Variants in ING4 observed in about 807,000 individuals in gnomAD.
The protein encoded by ING4 is inhibitor of growth family member 4, also known as inhibitor of growth protein 4.
ING4 carries 28 observed loss-of-function variants against 33.1 expected under a neutral mutation model. That is an observed-to-expected ratio of 0.85 (90% CI 0.63 to 1.16). The LOEUF is 1.16. Among genes scored for constraint, ING4 ranks in the 50% most tolerant of loss-of-function variants. The probability of loss-of-function intolerance (pLI) is 0.00; values close to 1 mark genes in which losing one functional copy is unlikely to be tolerated. For synonymous variants in ING4, 87 were observed against 104.4 expected (o/e 0.83, Z 1.02); for missense variants, 247 against 314.7 (o/e 0.78, Z 1.63).
chr12:6,652,834 C>T, intron 4 of ING4, 67 bp from the exon 5 acceptor site: 2 of 1,571,874 alleles, frequency 1.3e-6, no homozygotes, highest in Non-Finnish European at 1.7e-6. Context: ...CCTCTTCTCT[C>T]CCCCTTTCCA....
intron 3 of ING4, 54 bp from the exon 4 acceptor site, chr12:6,653,104 A>C (rs756480771): frequency 1.1e-4 from 175 of 1,602,490 alleles, no homozygotes; most frequent in Non-Finnish European, 1.4e-4. Context: ...CAATTAAAGA[A>C]AATAGGTTAA....
chr12:6,653,053 G>A lies in ING4; in HGVS notation c.277-3C>T, dbSNP rs1483777294. ...AGCCGCCGAATGTGTTTGTCCACCT[G>A]GGTGGAAAGGAAGGAGAAAGGAGAG... is the stretch of plus-strand genomic sequence containing the variant. On this transcript the variant is annotated splice_region_variant and splice_polypyrimidine_tract_variant and intron_variant, in intron 3 of 7. Coordinates refer to ENST00000341550, the MANE Select transcript of ING4 (RefSeq NM_016162.4). 1.9e-6 allele frequency: 3 copies of A among 1,612,456 alleles called. No individual in the cohort carries two copies. The highest frequency in any genetic ancestry group is 2.7e-5 in the African/African-American group (2 of 74,862).
intron 2 of ING4, 185 bp downstream of exon 2, chr12:6,656,542 T>C (rs1949359070): frequency 7.5e-6 from 4 of 533,176 alleles, no homozygotes; most frequent in Non-Finnish European, 1.3e-5. Flanking sequence ...ATACTCTATT[T>C]GTTATGAAAA....
intron 1 of ING4, among the ~76,000 whole-genome samples, chr12:6,661,031 C>T (rs528422950): frequency 2.0e-5 from 3 of 150,294 alleles, no homozygotes; most frequent in South Asian, 4.2e-4. Flanking sequence ...TGACCTAAGG[C>T]GATCCACCCA....
intron 6 of ING4, among the ~76,000 whole-genome samples, chr12:6,651,733 G>A (rs1019234180): frequency 1.3e-4 from 20 of 151,996 alleles, no homozygotes; most frequent in African/African-American, 4.8e-4. Flanking sequence ...GTGGAGACGG[G>A]GTTTCACCGT....
chr12:6,650,581 C>G lies in ING4; in HGVS notation c.*614G>C, dbSNP rs1199751602. On this transcript the variant is annotated 3_prime_UTR_variant, in exon 8 of 8. Coordinates refer to ENST00000341550, the MANE Select transcript of ING4 (RefSeq NM_016162.4). ...ACTAAAACAGTGTCTCTACAATAAA[C>G]ACAGCAGGCCAACATGTATAGCTTT... 1 of 153,878 alleles carries G rather than the reference C, an allele frequency of 6.5e-6. No individual in the cohort carries two copies. The highest frequency in any genetic ancestry group is 2.4e-5 in the African/African-American group (1 of 41,458). 9.5% of individuals were successfully genotyped at this position (153,878 alleles called of 1,614,324 possible).
chr12:6,651,581 GC>G (rs1328037380), intron 6 of ING4, among the ~76,000 whole-genome samples, 196 bp from the exon 7 acceptor site: 1 of 152,032 alleles, frequency 6.6e-6, no homozygotes, highest in Non-Finnish European at 1.5e-5. Flanking sequence ...TCACTCTGTT[GC>G]CCAGGCTGGA....
At chr12:6,654,521 T>G (rs2136269821) in intron 2 of ING4, among the ~76,000 whole-genome samples, 1 of 152,014 alleles carries the variant, frequency 6.6e-6, no homozygotes, top group East Asian at 1.9e-4. Context: ...AAATTATTTC[T>G]AGAGATGAGG....
chr12:6,660,815 C>CTTTCT (rs149019207), intron 1 of ING4, among the ~76,000 whole-genome samples: 4 of 152,026 alleles, frequency 2.6e-5, no homozygotes, highest in Non-Finnish European at 4.4e-5. Flanking sequence ...CGCTGAGTAA[C>CTTTCT]TTTCTTTTCT....
rs552234281 is a variant in ING4 at position 6,652,636 on chromosome 12, G to C, written c.497+26C>G. Reference sequence around the variant, plus strand: ...ACCGGGAGAGAAGAGGATGTCATCCGGCAAAGGGCTCCCTGAATCACTCAC... The same window carrying C: ...ACCGGGAGAGAAGAGGATGTCATCCCGCAAAGGGCTCCCTGAATCACTCAC... On this transcript the variant is annotated intron_variant, in intron 5 of 7. Coordinates refer to ENST00000341550, the MANE Select transcript of ING4 (RefSeq NM_016162.4). 2.2e-5 allele frequency: 36 copies of C among 1,600,178 alleles called. 1 individual carries two copies. In the South Asian group the frequency reaches 3.9e-4, roughly 17 times the overall value.
At position 6,653,084 on chromosome 12, in the gene ING4, A is replaced by G. The variant is rs529252360; in HGVS notation, c.277-34T>C. The stretch of plus-strand genomic sequence containing the variant: ...AAAGGAAGGAGAAAGGAGAGGTACA[A>G]AACTATCTCCAATTAAAGAAAATAG... On this transcript the variant is annotated intron_variant, in intron 3 of 7. Coordinates refer to ENST00000341550, the MANE Select transcript of ING4 (RefSeq NM_016162.4). 5.6e-6 allele frequency: 9 copies of G among 1,604,942 alleles called. No homozygotes were observed. The South Asian group carries it at 9.9e-5, about 18-fold the overall frequency.
intron 1 of ING4, among the ~76,000 whole-genome samples, chr12:6,660,352 T>C (rs147828273): frequency 2.6e-5 from 4 of 152,266 alleles, no homozygotes; most frequent in Admixed American, 6.5e-5. Flanking sequence ...CTCATGCCTG[T>C]AATCCCAGCA....
In ING4 at chr12:6,651,313, C is replaced by T. The variant is rs1332594478; in HGVS notation, c.707+11G>A. The T allele has an allele frequency of 1.2e-6, 2 of 1,614,144 alleles. No individual in the cohort carries two copies. The highest frequency in any genetic ancestry group is 1.7e-6 in the Non-Finnish European group (2 of 1,179,978). ...ACTCAACTTAGGGACCCTCCAACTC[C>T]TGCCACTTACCATTTCCCCCGAGGC... On this transcript the variant is annotated intron_variant, in intron 7 of 7. Transcript: ENST00000341550.
At chr12:6,656,537 CTATT>C (rs1949358889) in intron 2 of ING4, 186 bp downstream of exon 2, 1 of 521,256 alleles carries the variant, frequency 1.9e-6, no homozygotes, top group Non-Finnish European at 3.3e-6. Flanking sequence ...TCACAATACT[CTATT>C]TGTTATGAAA....
chr12:6,656,464 C>T, intron 2 of ING4: 1 of 341,994 alleles, frequency 2.9e-6, no homozygotes, highest in Non-Finnish European at 5.3e-6. Flanking sequence ...TGTGAGCCAG[C>T]CTGGCTAATT....
intron 4 of ING4, 25 bp from the exon 5 acceptor site, chr12:6,652,792 A>G: frequency 1.2e-6 from 2 of 1,609,508 alleles, no homozygotes; most frequent in Middle Eastern, 3.3e-4. Context: ...GGAGAAAGCC[A>G]GAAGGCAGGG....
chr12:6,662,526 T>A (rs78166458), intron 1 of ING4, among the ~76,000 whole-genome samples: 212 of 152,342 alleles, frequency 1.4e-3, no homozygotes, highest in African/African-American at 4.9e-3. Context: ...ATAGGCTTTC[T>A]GCAGGGGTGG....
chr12:6,657,413 C>T (rs1565403288), intron 1 of ING4, among the ~76,000 whole-genome samples: 1 of 152,054 alleles, frequency 6.6e-6, no homozygotes, highest in Non-Finnish European at 1.5e-5. Flanking sequence ...CGCACCACTG[C>T]ACTCCAGCCT....
chr12:6,662,449 G>A (rs1949584710), intron 1 of ING4, among the ~76,000 whole-genome samples: 1 of 152,074 alleles, frequency 6.6e-6, no homozygotes, highest in Non-Finnish European at 1.5e-5. Flanking sequence ...ACCCATAGCA[G>A]GACCTCAATA....
Sources: allele counts gnomAD v4.1 joint callset (sites outside exome capture counted in the v4.1 genomes callset), GRCh38; gene constraint gnomAD v4.1.1; transcripts MANE v1.5; gene names NCBI Gene and HGNC (gene_info 2026-07-23, HGNC 2026-07-21).